Variants in MTRES1 observed in about 807,000 individuals in gnomAD.
MTRES1 encodes the protein mitochondrial transcription rescue factor 1.
MTRES1 carries 11 observed loss-of-function variants against 17.4 expected under a neutral mutation model. That is an observed-to-expected ratio of 0.63 (90% CI 0.40 to 1.05). The LOEUF is 1.05. Ranked by LOEUF, MTRES1 falls within the 50% of genes least tolerant of loss-of-function variation. MTRES1 has a pLI of 0.00. For missense variants in MTRES1, 268 were observed against 276.2 expected (o/e 0.97, Z 0.21); for synonymous variants, 94 against 99.6 (o/e 0.94, Z 0.34).
intron 3 of MTRES1, among the ~76,000 whole-genome samples, chr6:107,047,843 G>T (rs553008642): frequency 6.6e-6 from 1 of 151,928 alleles, no homozygotes; most frequent in African/African-American, 2.4e-5. Context: ...CCAAGATCGC[G>T]CCATTGCACT....
chr6:107,048,504 G>A (rs1016237660), intron 3 of MTRES1, among the ~76,000 whole-genome samples: 1 of 151,600 alleles, frequency 6.6e-6, no homozygotes, highest in African/African-American at 2.4e-5. Flanking sequence ...ACCCAGGGTT[G>A]GGCGCGGTGG....
Position 107,029,668 on chromosome 6 carries a change from G to A in MTRES1, c.-13+1397G>A, listed in dbSNP as rs528531460. On this transcript the variant is annotated intron_variant, in intron 1 of 3. Coordinates refer to ENST00000311381, the MANE Select transcript of MTRES1 (RefSeq NM_016487.5). ...TTGGCTAATTTTTGTATTTTTAGTAGAGACGAGGTTTCACCATGTTGACCA... is the reference window on the plus strand; with the variant it reads ...TTGGCTAATTTTTGTATTTTTAGTAAAGACGAGGTTTCACCATGTTGACCA... Among the ~76,000 whole-genome samples, 51 of 151,564 alleles carry A rather than the reference G, an allele frequency of 3.4e-4. No individual in the cohort carries two copies. In the South Asian group the frequency reaches 6.8e-3, roughly 20 times the overall value.
intron 1 of MTRES1, 117 bp from the exon 2 acceptor site, chr6:107,039,632 T>G: frequency 1.7e-6 from 2 of 1,148,344 alleles, no homozygotes; most frequent in Non-Finnish European, 2.4e-6. Flanking sequence ...ATAGGACTTT[T>G]TAGGGGCGAA....
chr6:107,047,002 C>G (rs1774417680), intron 3 of MTRES1, among the ~76,000 whole-genome samples: 1 of 149,412 alleles, frequency 6.7e-6, no homozygotes, highest in Non-Finnish European at 1.5e-5. Context: ...CGGGGTTTCA[C>G]TGTGTTAGCC....
rs368406049 is a variant in MTRES1 at position 107,034,716 on chromosome 6, G to A, written c.-12-5033G>A. On this transcript the variant is annotated intron_variant, in intron 1 of 3. Transcript: ENST00000311381. ...AGGAGACTTGACCTTGGTCGGGTGCGTTGGCTCATGCCTGTAATCCTAGCA... is the reference window on the plus strand; with the variant it reads ...AGGAGACTTGACCTTGGTCGGGTGCATTGGCTCATGCCTGTAATCCTAGCA... Among the ~76,000 whole-genome samples the A allele has an allele frequency of 5.3e-5, 8 of 152,292 alleles. No individual in the cohort carries two copies. In the East Asian group the frequency reaches 1.4e-3, roughly 26 times the overall value.
chr6:107,049,005 G>T (rs1774496699), intron 3 of MTRES1, among the ~76,000 whole-genome samples: 2 of 151,982 alleles, frequency 1.3e-5, no homozygotes, highest in Non-Finnish European at 2.9e-5. Context: ...GCTATTGTGG[G>T]TTTCCTGGAT....
intron 1 of MTRES1, among the ~76,000 whole-genome samples, chr6:107,032,672 C>G (rs1384690354): frequency 6.6e-6 from 1 of 152,092 alleles, no homozygotes; most frequent in Non-Finnish European, 1.5e-5. Flanking sequence ...GCACTGCACA[C>G]CAGCCCGGGT....
intron 1 of MTRES1, chr6:107,030,235 C>A: frequency 1.4e-6 from 1 of 700,726 alleles, no homozygotes; most frequent in Non-Finnish European, 2.6e-6. Flanking sequence ...GCCTTTAGAC[C>A]ATCGTAGAGA....
At chr6:107,049,720 CT>C (rs66581737) in intron 3 of MTRES1, among the ~76,000 whole-genome samples, 69,874 of 98,722 alleles carry the variant, frequency 0.71, 24,135 homozygotes, top group Non-Finnish European at 0.8. Flanking sequence ...GCCGGCCCTT[CT>C]TTTTTTTTTT....
At chr6:107,029,401 A>C (rs1371177595) in intron 1 of MTRES1, among the ~76,000 whole-genome samples, 1 of 151,490 alleles carries the variant, frequency 6.6e-6, no homozygotes, top group Non-Finnish European at 1.5e-5. Flanking sequence ...GTTAGCCAGG[A>C]TGGTCTCGAT....
At chr6:107,033,540 C>G (rs9486501) in intron 1 of MTRES1, among the ~76,000 whole-genome samples, 1 of 152,016 alleles carries the variant, frequency 6.6e-6, no homozygotes, top group East Asian at 1.9e-4. Context: ...GAGGCAGGGC[C>G]GGGCACGGTG....
chr6:107,040,432 T>C, intron 2 of MTRES1: 2 of 408,234 alleles, frequency 4.9e-6, no homozygotes, highest in Non-Finnish European at 8.6e-6. Flanking sequence ...AAATCCTATG[T>C]GCCATATTTG....
intron 3 of MTRES1, among the ~76,000 whole-genome samples, chr6:107,045,248 G>A (rs1376013318): frequency 2.6e-5 from 4 of 151,938 alleles, no homozygotes; most frequent in Non-Finnish European, 4.4e-5. Flanking sequence ...TTGGGAGGCC[G>A]AGTCAGGTGG....
Position 107,040,048 on chromosome 6 carries a change from G to C in MTRES1, c.288G>C (p.Lys96Asn). The C allele has an allele frequency of 6.2e-7, 1 of 1,613,228 alleles. No homozygotes were observed. The highest frequency in any genetic ancestry group is 8.5e-7 in the Non-Finnish European group (1 of 1,179,808). The change falls in exon 2 of 4, where the codon AAG becomes AAC. Residue 96 changes from lysine (K) to asparagine (N), a missense_variant. By Grantham distance (94) the Lys-to-Asn change is moderately conservative. Transcript: ENST00000311381. ...SNIRSTKSTK[K>N]SLQKVDEEDS... Reference sequence around the variant, plus strand: ...TAAGGTCTACAAAATCTACTAAAAAGTCTCTGCAAAAAGTAGATGAAGAGG... The same window carrying C: ...TAAGGTCTACAAAATCTACTAAAAACTCTCTGCAAAAAGTAGATGAAGAGG...
intron 3 of MTRES1, among the ~76,000 whole-genome samples, chr6:107,046,598 G>C (rs960828864): frequency 6.6e-6 from 1 of 152,162 alleles, no homozygotes; most frequent in Non-Finnish European, 1.5e-5. Context: ...TGAGGGACAG[G>C]GGCCGTGGAG....
chr6:107,048,613 C>G (rs13216607), intron 3 of MTRES1, among the ~76,000 whole-genome samples: 1 of 151,374 alleles, frequency 6.6e-6, no homozygotes, highest in East Asian at 2.0e-4. Context: ...AACCCTGTCT[C>G]TACTAAAAAT....
chr6:107,034,209 G>A (rs1554226712), intron 1 of MTRES1, among the ~76,000 whole-genome samples: 1 of 152,162 alleles, frequency 6.6e-6, no homozygotes, highest in Admixed American at 6.6e-5. Context: ...CAACGGTACG[G>A]TATAAAGCTA....
intron 3 of MTRES1, among the ~76,000 whole-genome samples, chr6:107,050,551 C>CTTTTTTTTTTTTT (rs142268482): frequency 1.2e-5 from 1 of 81,516 alleles, no homozygotes. Context: ...CTCTCCCTTT[C>CTTTTTTTTTTTTT]TTTTTTTTTT....
In MTRES1 at chr6:107,040,205, A is replaced by G. The variant is rs1412134856; in HGVS notation, c.445A>G (p.Lys149Glu). 1 of 1,601,530 alleles carries G rather than the reference A, an allele frequency of 6.2e-7. No individual in the cohort carries two copies. The highest frequency in any genetic ancestry group is 1.8e-5 in the Admixed American group (1 of 56,334). Residue 149 changes from lysine (K) to glutamate (E), a missense_variant, in exon 2 of 4, where the codon AAG becomes GAG. Coordinates refer to ENST00000311381, the MANE Select transcript of MTRES1 (RefSeq NM_016487.5). ...VQSFRYDVVL[K>E]TGLDIGRNKV... ...GTCTTTTCGGTATGATGTTGTCCTG[A>G]AGACGGGGCTAGATATTGGGAGAAA...
Sources: gnomAD v4.1 joint callset for allele counts (sites outside exome capture counted in the v4.1 genomes callset) on GRCh38, gnomAD v4.1.1 for gene constraint, MANE v1.5 for transcripts, NCBI Gene and HGNC (gene_info 2026-07-23, HGNC 2026-07-21) for gene names.